RBL1: variants seen among roughly 807,000 people sequenced by gnomAD.
RBL1 encodes retinoblastoma-like protein 1.
In RBL1, 82 loss-of-function variants were observed where a neutral mutation model predicts 123.0. The ratio of observed to expected loss-of-function variants is 0.67; its 90% CI spans 0.56 to 0.80. The LOEUF (loss-of-function observed/expected upper bound fraction) is 0.80, where lower values mean the gene tolerates loss of function less well. Among genes scored for constraint, RBL1 ranks in the 30% least tolerant of loss-of-function variants. The probability of loss-of-function intolerance (pLI) is 0.00; values close to 1 mark genes in which losing one functional copy is unlikely to be tolerated. For missense variants in RBL1, 1,171 were observed against 1,299.6 expected, an observed-to-expected ratio of 0.90 and a Z score of 1.52; for synonymous variants, 405 against 441.3, an observed-to-expected ratio of 0.92 and a Z score of 1.03.
intron 21 of RBL1, among the ~76,000 whole-genome samples, chr20:37,003,177 C>G (rs952696983): frequency 1.3e-5 from 2 of 152,180 alleles, no homozygotes; most frequent in South Asian, 2.1e-4. Context: ...CTGATTCTGA[C>G]TTCTGGAGAC....
rs114594375 is a variant in RBL1, at chr20:37,055,840, G to A, written c.1364-184C>T. 4.4e-3 allele frequency among the ~76,000 whole-genome samples: 665 copies of A among 152,100 alleles called. 7 individuals carry two copies. Among genetic ancestry groups the A allele is most frequent in the African/African-American group, 0.015 (642 of 41,504 alleles). ...TAGGCAAGCAGATCACCTGAGGTCC[G>A]GAGTCTGAGACCAGCCTAACCAACA... On this transcript the variant is annotated intron_variant, in intron 10 of 21. Coordinates refer to ENST00000373664, the MANE Select transcript of RBL1 (RefSeq NM_002895.5).
At chr20:37,013,108 C>T (rs1198764935) in intron 19 of RBL1, among the ~76,000 whole-genome samples, 1 of 152,184 alleles carries the variant, frequency 6.6e-6, no homozygotes, top group African/African-American at 2.4e-5. Flanking sequence ...TCATTGAGAA[C>T]AGGCCATGAT....
intron 10 of RBL1, among the ~76,000 whole-genome samples, 183 bp from the exon 11 acceptor site, chr20:37,055,839 C>A (rs921165293): frequency 6.6e-6 from 1 of 151,900 alleles, no homozygotes; most frequent in Non-Finnish European, 1.5e-5. Context: ...ACCTGAGGTC[C>A]GGAGTCTGAG....
intron 11 of RBL1, among the ~76,000 whole-genome samples, chr20:37,052,802 G>A (rs1292569556): frequency 6.6e-6 from 1 of 152,032 alleles, no homozygotes; most frequent in East Asian, 1.9e-4. Flanking sequence ...GAGCTACCAT[G>A]CCCAGCCTTT....
At position 37,040,241 on chromosome 20, in the gene RBL1, C is replaced by T. The variant is rs771029327; in HGVS notation, c.1815G>A (p.Val605=). The change falls in exon 14 of 22, where the codon GTG becomes GTA. Residue 605 remains valine (V), a synonymous_variant. Coordinates refer to ENST00000373664, the MANE Select transcript of RBL1 (RefSeq NM_002895.5). ...NNFETGNGGN[V]QGHLPLMPMS... is the part of the protein sequence containing the mutation. ...TTGGCATCAGGGGAAGATGTCCCTG[C>T]ACATTTCCTCCATTTCCTGTTTCAA... 4.3e-6 allele frequency: 7 copies of T among 1,614,008 alleles called. No individual in the cohort carries two copies. Among genetic ancestry groups the T allele is most frequent in the South Asian group, 1.1e-5 (1 of 91,088 alleles).
At chr20:37,012,987 CCA>C (rs1380886900) in intron 19 of RBL1, among the ~76,000 whole-genome samples, 3 of 151,552 alleles carry the variant, frequency 2.0e-5, no homozygotes, top group African/African-American at 7.3e-5. Flanking sequence ...CCCCGCCCGG[CCA>C]GTCACCCCGT....
chr20:37,032,933 C>T, intron 15 of RBL1, 57 bp from the exon 16 acceptor site: 2 of 1,589,806 alleles, frequency 1.3e-6, no homozygotes, highest in South Asian at 1.1e-5. Flanking sequence ...AAGTTGTCAA[C>T]TATATATATT....
At chr20:37,044,065 A>C in intron 13 of RBL1, 21 bp downstream of exon 13, 1 of 1,421,492 alleles carries the variant, frequency 7.0e-7, no homozygotes, top group Non-Finnish European at 9.4e-7. Context: ...TGATACGATT[A>C]TCAGCCTTGC....
chr20:37,070,065 G>C (rs989086284), intron 2 of RBL1, among the ~76,000 whole-genome samples: 7 of 152,214 alleles, frequency 4.6e-5, no homozygotes, highest in Non-Finnish European at 1.0e-4. Context: ...AAATCGAATG[G>C]TTGCCGTGTC....
chr20:37,015,492 G>A (rs1009845670), intron 19 of RBL1, among the ~76,000 whole-genome samples: 28 of 150,106 alleles, frequency 1.9e-4, no homozygotes, highest in Non-Finnish European at 2.5e-4. Flanking sequence ...GTGCAGTGGC[G>A]CGATCTCCGC....
At chr20:37,023,279 G>A (rs1350319177) in intron 16 of RBL1, among the ~76,000 whole-genome samples, 7 of 151,988 alleles carry the variant, frequency 4.6e-5, no homozygotes, top group Non-Finnish European at 7.4e-5. Context: ...ATGCCACCAC[G>A]CCTAGCTAAA....
chr20:37,023,710 G>GT (rs1001671289), intron 16 of RBL1, among the ~76,000 whole-genome samples: 31 of 148,754 alleles, frequency 2.1e-4, no homozygotes, highest in Non-Finnish European at 1.0e-4. Context: ...CTGCAAGATT[G>GT]TTTTTTTATT....
chr20:37,067,186 C>T (rs747111605), intron 4 of RBL1, 47 bp downstream of exon 4: 2 of 1,571,782 alleles, frequency 1.3e-6, no homozygotes, highest in East Asian at 4.5e-5. Context: ...CAAATAGCAC[C>T]AAGTTCCCAG....
intron 11 of RBL1, among the ~76,000 whole-genome samples, chr20:37,055,331 A>C (rs981791938): frequency 2.3e-5 from 3 of 128,832 alleles, no homozygotes; most frequent in Non-Finnish European, 3.3e-5. Context: ...AAAAAAAAAA[A>C]CACTTAAAAA....
rs1193330770 is a variant in RBL1, at chr20:36,998,093, ATTAT to A, written c.*662_*665del. Reference sequence around the variant, plus strand: ...TCTCAAAGCATGCTATCAAAAGTAGATTATTTATCCTCATATTACAGAACACAGA... The same window carrying A: ...TCTCAAAGCATGCTATCAAAAGTAGATTATCCTCATATTACAGAACACAGA... On this transcript the variant is annotated 3_prime_UTR_variant, in exon 22 of 22. Coordinates refer to ENST00000373664, the MANE Select transcript of RBL1 (RefSeq NM_002895.5). The A allele has an allele frequency of 6.6e-6, 1 of 152,124 alleles. No homozygotes were observed. The highest frequency in any genetic ancestry group is 1.5e-5 in the Non-Finnish European group (1 of 68,042). 9.4% of individuals were successfully genotyped at this position (152,124 alleles called of 1,614,324 possible). A position where few individuals can be genotyped will look rare whatever the true frequency, so the allele number is the denominator to read the frequency against.
Position 37,066,825 on chromosome 20 carries a change from T to C in RBL1, c.745A>G (p.Ile249Val). The C allele has an allele frequency of 6.2e-7, 1 of 1,613,508 alleles. No homozygotes were observed. Among genetic ancestry groups the C allele is most frequent in the Non-Finnish European group, 8.5e-7 (1 of 1,179,622 alleles). Residue 249 changes from isoleucine to valine, a missense_variant, in exon 6 of 22, where the codon ATT (isoleucine) becomes GTT (valine). Transcript: ENST00000373664. Reference sequence around the variant, plus strand: ...TCATGCAGTTCACACAGTACAGCAATGATGCAGGGTGGCTCTTCAGAAGCC... The same window carrying C: ...TCATGCAGTTCACACAGTACAGCAACGATGCAGGGTGGCTCTTCAGAAGCC... ...FTASEEPPCI[I>V]AVLCELHDGL...
At chr20:37,090,756 G>A (rs191102209) in intron 1 of RBL1, among the ~76,000 whole-genome samples, 14 of 152,266 alleles carry the variant, frequency 9.2e-5, no homozygotes, top group Admixed American at 7.2e-4. Context: ...CTACAAACCT[G>A]TGGAGCATGT....
At chr20:37,026,023 G>A (rs1410538842) in intron 16 of RBL1, among the ~76,000 whole-genome samples, 1 of 152,012 alleles carries the variant, frequency 6.6e-6, no homozygotes, top group African/African-American at 2.4e-5. Context: ...GATTATAGGC[G>A]TGAGCCACCG....
chr20:37,031,905 CT>C (rs763127111), intron 16 of RBL1, among the ~76,000 whole-genome samples: 18,996 of 130,010 alleles, frequency 0.15, 1,764 homozygotes, highest in East Asian at 0.47. Flanking sequence ...TACCTGGCTG[CT>C]TTTTTTTTTT....
Sources: gnomAD v4.1 joint callset for allele counts (sites outside exome capture counted in the v4.1 genomes callset) on GRCh38, gnomAD v4.1.1 for gene constraint, MANE v1.5 for transcripts, NCBI Gene and HGNC (gene_info 2026-07-23, HGNC 2026-07-21) for gene names.